The following IBTK variants were observed in gnomAD, a reference collection of about 807,000 sequenced individuals.
IBTK encodes the protein inhibitor of Bruton tyrosine kinase.
Under a neutral mutation model 154.9 loss-of-function variants are expected in IBTK, and 83 were observed. The observed-to-expected ratio is 0.54, with a 90% CI of 0.45 to 0.64. The LOEUF (loss-of-function observed/expected upper bound fraction) is 0.64, where lower values mean the gene tolerates loss of function less well. Ranked by LOEUF, IBTK falls within the 30% of genes least tolerant of loss-of-function variation. IBTK has a pLI of 0.00. For missense variants in IBTK, 1,332 were observed against 1,584.6 expected (o/e 0.84, Z 2.71); for synonymous variants, 515 against 536.1 (o/e 0.96, Z 0.54).
At chr6:82,191,012 A>C in intron 25 of IBTK, 61 bp downstream of exon 25, 1 of 1,224,084 alleles carries the variant, frequency 8.2e-7, no homozygotes, top group South Asian at 2.0e-5. Flanking sequence ...TCCAAAGTCA[A>C]GTACTACCTT....
rs534278014 is a variant in IBTK at position 82,202,595 on chromosome 6, C to A, written c.2662G>T (p.Ala888Ser). The change falls in exon 18 of 29, where the codon GCA (alanine) becomes TCA (serine). Residue 888 changes from alanine (A) to serine (S), a missense_variant. By Grantham distance (99) the Ala-to-Ser change is moderately conservative. Around this residue, in one of 3 missense-constraint regions of IBTK, gnomAD observed 1,134 missense variants for 1,274.7 expected, o/e 0.89. Coordinates refer to ENST00000306270, the MANE Select transcript of IBTK (RefSeq NM_015525.4). The stretch of plus-strand genomic sequence containing the variant: ...AAACAAGACAGTTTCAACTGTTTTG[C>A]ACTATACATTGCTGCAAATTCCAGT... ...MLLEFAAMYS[A>S]KQLKLSCLQF... The A allele has an allele frequency of 1.9e-6, 3 of 1,610,534 alleles. No individual in the cohort carries two copies. In the East Asian group the frequency reaches 6.7e-5, roughly 36 times the overall value.
intron 8 of IBTK, among the ~76,000 whole-genome samples, chr6:82,220,937 T>TACAC (rs57358110): frequency 0.072 from 9,314 of 130,006 alleles, 432 homozygotes; most frequent in South Asian, 0.12. Context: ...TGACTTTACC[T>TACAC]ACACACACAC....
At chr6:82,245,696 A>G (rs1051585212) in intron 1 of IBTK, among the ~76,000 whole-genome samples, 1 of 152,220 alleles carries the variant, frequency 6.6e-6, no homozygotes, top group Admixed American at 6.5e-5. Context: ...GAAGACAGAA[A>G]GAAGTGAGGC....
chr6:82,191,515 G>C, intron 24 of IBTK: 1 of 568,244 alleles, frequency 1.8e-6, no homozygotes, highest in Non-Finnish European at 3.1e-6. Context: ...TTAACTCTTT[G>C]GCTTTTGTAG....
Position 82,211,487 on chromosome 6 carries a change from T to TC in IBTK, c.2374+2_2374+3insG. ...AATCAGCAGCTTTAAAAAGTGCACCTACCAAGTCTAGCACAAAGAACACAT... is the reference window on the plus strand; with the variant it reads ...AATCAGCAGCTTTAAAAAGTGCACCTCACCAAGTCTAGCACAAAGAACACAT... On this transcript the variant is annotated splice_region_variant and intron_variant, in intron 14 of 28. Coordinates refer to ENST00000306270, the MANE Select transcript of IBTK (RefSeq NM_015525.4). The TC allele has an allele frequency of 6.2e-7, 1 of 1,612,060 alleles. No individual in the cohort carries two copies.
Position 82,218,997 on chromosome 6 carries a change from A to T in IBTK, c.1249-860T>A, listed in dbSNP as rs115325675. Among the ~76,000 whole-genome samples, 1,284 of 152,304 alleles carry T rather than the reference A, an allele frequency of 8.4e-3. 21 individuals are homozygous for T. The highest frequency in any genetic ancestry group is 0.029 in the African/African-American group (1,209 of 41,546). ...AAGTAAATATCCAGAAGTATAAGCT[A>T]TATCCATTTCAATGTAAGTGATACA... On this transcript the variant is annotated intron_variant, in intron 9 of 28. Transcript: ENST00000306270.
intron 9 of IBTK, among the ~76,000 whole-genome samples, chr6:82,218,604 G>A (rs1447506059): frequency 1.3e-5 from 2 of 152,082 alleles, no homozygotes; most frequent in African/African-American, 4.8e-5. Context: ...CAAAATCTTA[G>A]AAAAGTCATT....
chr6:82,196,273 G>A, intron 22 of IBTK, 25 bp downstream of exon 22: 1 of 1,547,100 alleles, frequency 6.5e-7, no homozygotes, highest in Non-Finnish European at 8.7e-7. Context: ...CTGAAGGTAA[G>A]GAGGTAGTGC....
intron 25 of IBTK, among the ~76,000 whole-genome samples, chr6:82,187,112 T>C (rs1014879459): frequency 1.3e-5 from 2 of 151,914 alleles, no homozygotes; most frequent in African/African-American, 2.4e-5. Flanking sequence ...GACGGGGTTT[T>C]TCCATGTTGG....
At chr6:82,181,451 C>G (rs373013914) in intron 26 of IBTK, among the ~76,000 whole-genome samples, 3 of 152,100 alleles carry the variant, frequency 2.0e-5, no homozygotes, top group Non-Finnish European at 4.4e-5. Flanking sequence ...ACATACTGCA[C>G]GACCCTGCTG....
intron 1 of IBTK, among the ~76,000 whole-genome samples, chr6:82,243,004 G>C (rs1487705360): frequency 6.6e-6 from 1 of 152,132 alleles, no homozygotes; most frequent in Non-Finnish European, 1.5e-5. Context: ...CACTTTGGGA[G>C]GCCAAGGCAG....
In IBTK at chr6:82,234,217, C is replaced by CA. The variant is rs1770629876; in HGVS notation, c.359dup (p.Leu120PhefsTer11). 6.2e-7 allele frequency: 1 copy of CA among 1,604,234 alleles called. No homozygotes were observed. ...CCTTCATTACAAGATCCAAAGCTGA[C>CA]AAGCCTTCTTTATCTTGAATATACA... On this transcript the variant is annotated frameshift_variant, in exon 3 of 29. Transcript: ENST00000306270. LOFTEE classifies it high-confidence loss of function.
At position 82,171,472 on chromosome 6, in the gene IBTK, G is replaced by C. The variant is rs201304103; in HGVS notation, c.4015C>G (p.Pro1339Ala). The change falls in exon 29 of 29, where the codon CCG (proline) becomes GCG (alanine). Residue 1339 changes from proline (P) to alanine (A), a missense_variant. Pro to Ala is a conservative substitution (Grantham distance 27, BLOSUM62 -1). Transcript: ENST00000306270. ...PEEFVIVERT[P>A]QGPLAVPMWN... ...ATAGGTACTGCCAGTGGTCCCTGCG[G>C]TGTCCTTTCAACAATGACAAACTCT... 3 of 1,613,328 alleles carry C rather than the reference G, an allele frequency of 1.9e-6. No individual in the cohort carries two copies. The African/African-American group carries it at 4.0e-5, about 22-fold the overall frequency.
At chr6:82,223,952 C>T in intron 7 of IBTK, 116 bp downstream of exon 7, 1 of 692,150 alleles carries the variant, frequency 1.4e-6, no homozygotes, top group South Asian at 2.0e-5. Context: ...TTGTCTCAAA[C>T]AAACAAACAA....
Position 82,214,446 on chromosome 6 carries a change from C to A in IBTK, c.1985G>T (p.Gly662Val), listed in dbSNP as rs768855533. The A allele has an allele frequency of 6.2e-7, 1 of 1,613,928 alleles. No homozygotes were observed. The highest frequency in any genetic ancestry group is 8.5e-7 in the Non-Finnish European group (1 of 1,179,902). ...TTTATTCAAATGAGAATTCAGAGTT[C>A]CCTGATATTCTTCTGGGTTTTTGTT... ...HLNKNPEEYQ[G>V]TLNSHLNKVN... The change falls in exon 12 of 29, where the codon GGA (glycine) becomes GTA (valine). Residue 662 changes from glycine to valine, a missense_variant. Transcript: ENST00000306270.
intron 2 of IBTK, among the ~76,000 whole-genome samples, chr6:82,237,201 T>G (rs1239031810): frequency 6.6e-6 from 1 of 151,656 alleles, no homozygotes. Flanking sequence ...CCAGGGACCT[T>G]CTCAAACTCA....
intron 8 of IBTK, among the ~76,000 whole-genome samples, chr6:82,222,139 C>CA (rs1229588103): frequency 6.9e-6 from 1 of 145,752 alleles, no homozygotes; most frequent in African/African-American, 2.6e-5. Flanking sequence ...CACTGTACTT[C>CA]AGCCTGGGCA....
At position 82,211,209 on chromosome 6, in the gene IBTK, T is replaced by C. The variant is rs558112803; in HGVS notation, c.2412+158A>G. 2.0e-5 allele frequency among the ~76,000 whole-genome samples: 3 copies of C among 152,278 alleles called. No homozygotes were observed. The East Asian group carries it at 5.8e-4, about 29-fold the overall frequency. ...CTTGGCAATAATTTTAAATTCTAAG[T>C]GTTGCTATTTTCCAGCAGCCTCAAG... is the stretch of plus-strand genomic sequence containing the variant. On this transcript the variant is annotated intron_variant, in intron 15 of 28. Transcript: ENST00000306270.
At chr6:82,214,092 A>C (rs948110637) in intron 12 of IBTK, 135 bp downstream of exon 12, 1 of 746,998 alleles carries the variant, frequency 1.3e-6, no homozygotes, top group Non-Finnish European at 2.1e-6. Flanking sequence ...AGTAGCTGGG[A>C]CTACAGGCGC....
Sources: allele counts gnomAD v4.1 joint callset (sites outside exome capture counted in the v4.1 genomes callset), GRCh38; gene constraint gnomAD v4.1.1; regional missense constraint gnomAD v4.1.1; transcripts MANE v1.5; gene names NCBI Gene and HGNC (gene_info 2026-07-23, HGNC 2026-07-21).